STX17: variants seen among roughly 807,000 people sequenced by gnomAD.
STX17 encodes syntaxin 17.
A neutral mutation model predicts 35.9 loss-of-function variants in STX17; 29 were observed. That is an observed-to-expected ratio of 0.81 (90% CI 0.60 to 1.10). The LOEUF is 1.10. Among genes scored for constraint, STX17 ranks in the 50% least tolerant of loss-of-function variants. STX17 has a pLI of 0.00. For missense variants in STX17, 312 were observed against 352.3 expected, an observed-to-expected ratio of 0.89 and a Z score of 0.92; for synonymous variants, 92 against 118.3, an observed-to-expected ratio of 0.78 and a Z score of 1.44.
Position 99,974,338 on chromosome 9 carries a change from C to T in STX17, c.*5665C>T, listed in dbSNP as rs1362557241. The stretch of plus-strand genomic sequence containing the variant: ...ACTAAAAAGGTGTTTACTTGGGTTT[C>T]GTTAACTAAACCCCCTAAAGATGTT... On this transcript the variant is annotated 3_prime_UTR_variant, in exon 8 of 8. Coordinates refer to ENST00000259400, the MANE Select transcript of STX17 (RefSeq NM_017919.3). Among the ~76,000 whole-genome samples, 2 of 152,132 alleles carry T rather than the reference C, an allele frequency of 1.3e-5. No homozygotes were observed. Among genetic ancestry groups the T allele is most frequent in the Admixed American group, 6.5e-5 (1 of 15,280 alleles).
At chr9:99,955,660 A>G (rs886986315) in intron 4 of STX17, among the ~76,000 whole-genome samples, 1 of 152,082 alleles carries the variant, frequency 6.6e-6, no homozygotes, top group African/African-American at 2.4e-5. Flanking sequence ...TTGGATATAT[A>G]TAAAAGGGAA....
intron 3 of STX17, among the ~76,000 whole-genome samples, chr9:99,945,561 T>A (rs570703301): frequency 6.6e-6 from 1 of 152,246 alleles, no homozygotes; most frequent in African/African-American, 2.4e-5. Flanking sequence ...ACTGGAATAT[T>A]TATTTCATTT....
intron 3 of STX17, among the ~76,000 whole-genome samples, chr9:99,946,220 TC>T (rs1186746054): frequency 1.3e-5 from 2 of 152,138 alleles, no homozygotes; most frequent in African/African-American, 4.8e-5. Context: ...TTATAAGTAA[TC>T]TAGCGATAAA....
intron 3 of STX17, among the ~76,000 whole-genome samples, chr9:99,942,133 T>C (rs989781688): frequency 2.0e-5 from 3 of 152,208 alleles, no homozygotes; most frequent in African/African-American, 7.2e-5. Flanking sequence ...CCAATACCAA[T>C]ATTTAGTATT....
chr9:99,907,111 T>TGAC (rs1828566819), intron 1 of STX17: 1 of 152,180 alleles, frequency 6.6e-6, no homozygotes, highest in South Asian at 2.1e-4. Flanking sequence ...GTGCTGTGGG[T>TGAC]GACACTGCGA....
intron 2 of STX17, among the ~76,000 whole-genome samples, chr9:99,923,652 A>G (rs1047997307): frequency 1.3e-5 from 2 of 152,150 alleles, no homozygotes; most frequent in Admixed American, 1.3e-4. Context: ...ATAGCCTCAG[A>G]AACCACAGTT....
intron 2 of STX17, among the ~76,000 whole-genome samples, chr9:99,920,122 G>T (rs140315201): frequency 2.0e-4 from 30 of 152,278 alleles, no homozygotes; most frequent in African/African-American, 7.0e-4. Context: ...CTCAGCACAG[G>T]TGGTGAATGA....
intron 6 of STX17, among the ~76,000 whole-genome samples, chr9:99,960,632 C>T (rs1405602944): frequency 6.6e-6 from 1 of 151,944 alleles, no homozygotes; most frequent in Non-Finnish European, 1.5e-5. Flanking sequence ...TTAGTGAAGA[C>T]GGGGTTTCAC....
At chr9:99,962,114 C>T (rs1029207362) in intron 6 of STX17, among the ~76,000 whole-genome samples, 4 of 152,150 alleles carry the variant, frequency 2.6e-5, no homozygotes, top group Non-Finnish European at 5.9e-5. Context: ...ATTCCTTCTA[C>T]AATATAATTT....
chr9:99,964,984 G>A (rs1459115130), intron 6 of STX17, among the ~76,000 whole-genome samples: 1 of 152,080 alleles, frequency 6.6e-6, no homozygotes, highest in South Asian at 2.1e-4. Context: ...CACAATCGAG[G>A]GGTGATTATT....
intron 4 of STX17, among the ~76,000 whole-genome samples, chr9:99,958,288 T>G (rs1378970956): frequency 6.6e-6 from 1 of 152,200 alleles, no homozygotes; most frequent in African/African-American, 2.4e-5. Context: ...CAGAGCCTTC[T>G]CTGACCACTC....
intron 4 of STX17, 79 bp downstream of exon 4, chr9:99,951,364 A>G (rs1471254791): frequency 7.6e-7 from 1 of 1,317,622 alleles, no homozygotes; most frequent in African/African-American, 1.5e-5. Flanking sequence ...TAGATACTGA[A>G]TTATCTATAG....
chr9:99,945,828 TC>T, intron 3 of STX17: 1 of 288,424 alleles, frequency 3.5e-6, no homozygotes, highest in Non-Finnish European at 6.9e-6. Context: ...ACGCCTGTAA[TC>T]CCAGCACTTT....
intron 2 of STX17, among the ~76,000 whole-genome samples, chr9:99,925,056 C>T (rs2118354002): frequency 6.6e-6 from 1 of 151,966 alleles, no homozygotes; most frequent in African/African-American, 2.4e-5. Flanking sequence ...TCCATCTGTT[C>T]TCTTTTCCCT....
intron 4 of STX17, 100 bp from the exon 5 acceptor site, chr9:99,959,817 C>T: frequency 1.2e-6 from 1 of 858,014 alleles, no homozygotes; most frequent in South Asian, 1.5e-5. Flanking sequence ...TTTAATTAGA[C>T]ACCATTTAAC....
At chr9:99,931,975 G>A (rs1829134138) in intron 3 of STX17, among the ~76,000 whole-genome samples, 1 of 152,144 alleles carries the variant, frequency 6.6e-6, no homozygotes, top group Admixed American at 6.5e-5. Context: ...TGGGCAAGCT[G>A]GCGTTTTCCT....
In STX17 at chr9:99,973,253, A is replaced by G. The variant is rs576402898; in HGVS notation, c.*4580A>G. 1.3e-5 allele frequency among the ~76,000 whole-genome samples: 2 copies of G among 152,198 alleles called. No individual in the cohort carries two copies. The highest frequency in any genetic ancestry group is 4.8e-5 in the African/African-American group (2 of 41,524). On this transcript the variant is annotated 3_prime_UTR_variant, in exon 8 of 8. Coordinates refer to ENST00000259400, the MANE Select transcript of STX17 (RefSeq NM_017919.3). ...CCATAAAAAGTGTCAAAGGCAAATAATTTGCTCTAGATCACAAAACTAGTT... is the reference window on the plus strand; with the variant it reads ...CCATAAAAAGTGTCAAAGGCAAATAGTTTGCTCTAGATCACAAAACTAGTT...
intron 2 of STX17, chr9:99,916,186 T>G (rs1828765750): frequency 2.4e-6 from 1 of 418,316 alleles, no homozygotes; most frequent in African/African-American, 2.0e-5. Flanking sequence ...GAAGATGAAT[T>G]AGTCTCAGGG....
intron 2 of STX17, among the ~76,000 whole-genome samples, chr9:99,928,371 ATACTTAACAC>A (rs1829032888): frequency 1.0e-5 from 1 of 99,176 alleles, no homozygotes; most frequent in Admixed American, 9.6e-5. Context: ...TTAGTTTTCA[ATACTTAACAC>A]TATCATGACA....
Sources: allele counts gnomAD v4.1 joint callset (sites outside exome capture counted in the v4.1 genomes callset), GRCh38; gene constraint gnomAD v4.1.1; transcripts MANE v1.5; gene names NCBI Gene and HGNC (gene_info 2026-07-23, HGNC 2026-07-21).